The following PCDHB16 variants were observed in gnomAD, a reference collection of about 807,000 sequenced individuals.
PCDHB16 encodes protocadherin beta-16.
For missense variants in PCDHB16, 1,026 were observed against 989.9 expected (o/e 1.04, Z -0.49); for synonymous variants, 444 against 436.5 (o/e 1.02, Z -0.21).
rs782556392 is a variant in PCDHB16 at position 141,184,410 on chromosome 5, G to T, written c.1851G>T (p.Val617=). 2 of 1,606,792 alleles carry T rather than the reference G, an allele frequency of 1.2e-6. No homozygotes were observed. Among genetic ancestry groups the T allele is most frequent in the Admixed American group, 1.7e-5 (1 of 59,946 alleles). The stretch of plus-strand genomic sequence containing the variant: ...CCACGGAGCCCGGGCTGTTCGGTGT[G>T]TGGGCGCACAATGGCGAGGTGCGCA... ...LKATEPGLFG[V]WAHNGEVRTA... The change falls in exon 1 of 1, where the codon GTG becomes GTT. Residue 617 remains valine (V), a synonymous_variant. Coordinates refer to ENST00000609684, the MANE Select transcript of PCDHB16 (RefSeq NM_020957.4).
chr5:141,183,824 C>A lies in PCDHB16; in HGVS notation c.1265C>A (p.Thr422Asn). Residue 422 changes from threonine (T) to asparagine (N), a missense_variant, in exon 1 of 1, where the codon ACC becomes AAC. By Grantham distance (65) the Thr-to-Asn change is moderately conservative. Coordinates refer to ENST00000609684, the MANE Select transcript of PCDHB16 (RefSeq NM_020957.4). ...AGAGCTGAATATAATATCACCCTCA[C>A]CGTCACAGATATGGGGACTCCAAGG... The part of the protein sequence containing the change: ...EARAEYNITL[T>N]VTDMGTPRLK... 6.2e-7 allele frequency: 1 copy of A among 1,614,240 alleles called. No homozygotes were observed. Among genetic ancestry groups the A allele is most frequent in the Non-Finnish European group, 8.5e-7 (1 of 1,180,046 alleles).
chr5:141,184,320 C>G lies in PCDHB16; in HGVS notation c.1761C>G (p.Thr587=). The change falls in exon 1 of 1, where the codon ACC becomes ACG. Residue 587 remains threonine (T), a synonymous_variant. Transcript: ENST00000609684. The part of the protein sequence containing the change: ...PRAAEPGYLV[T]KVVAVDGDSG... ...CGGCCGAGCCGGGCTACCTGGTGAC[C>G]AAGGTGGTGGCGGTGGACGGCGACT... 3.7e-6 allele frequency: 6 copies of G among 1,600,714 alleles called. 1 individual carries two copies. The highest frequency in any genetic ancestry group is 5.1e-6 in the Non-Finnish European group (6 of 1,176,046).
At position 141,183,991 on chromosome 5, in the gene PCDHB16, A is replaced by T. The variant is rs1554282256; in HGVS notation, c.1432A>T (p.Arg478Ter). ...CATCGGCAGCGTCAGCGCCACAGAC[A>T]GAGACTCGGGCACCAACGCCCAGGT... ...LHIGSVSATD[R>*]DSGTNAQVTY... Residue 478 changes from arginine (R) to a stop codon, truncating the protein, a stop_gained, in exon 1 of 1, where the codon AGA becomes TGA. Coordinates refer to ENST00000609684, the MANE Select transcript of PCDHB16 (RefSeq NM_020957.4). LOFTEE classifies it low-confidence loss of function (END_TRUNC). The T allele has an allele frequency of 1.2e-6, 2 of 1,610,976 alleles. No individual in the cohort carries two copies. Among genetic ancestry groups the T allele is most frequent in the Admixed American group, 3.3e-5 (2 of 59,842 alleles).
rs1336296522 is a variant in PCDHB16, at chr5:141,185,103, C to A, written c.*213C>A. On this transcript the variant is annotated 3_prime_UTR_variant, in exon 1 of 1. Transcript: ENST00000609684. ...AGTTTCCCTTTTCCTCATATTTACC[C>A]CGAAGAGGTGTTGCATATAGAATCC... 3 of 1,391,684 alleles carry A rather than the reference C, an allele frequency of 2.2e-6. No individual in the cohort carries two copies. The highest frequency in any genetic ancestry group is 1.5e-5 in the African/African-American group (1 of 68,710). The allele number at this position is 1,391,684 out of a possible 1,614,324, so 86.2% of individuals were successfully genotyped here. A position where few individuals can be genotyped will look rare whatever the true frequency, so the allele number is the denominator to read the frequency against.
Position 141,183,971 on chromosome 5 carries a change from G to C in PCDHB16, c.1412G>C (p.Gly471Ala). 3 of 1,612,172 alleles carry C rather than the reference G, an allele frequency of 1.9e-6. No individual in the cohort carries two copies. The highest frequency in any genetic ancestry group is 2.5e-6 in the Non-Finnish European group (3 of 1,179,730). ...RENNSPALHI[G>A]SVSATDRDSG... is the part of the protein sequence containing the mutation. ...AACAACAGCCCCGCCCTGCACATCG[G>C]CAGCGTCAGCGCCACAGACAGAGAC... Residue 471 changes from glycine (G) to alanine (A), a missense_variant, in exon 1 of 1, where the codon GGC becomes GCC. Coordinates refer to ENST00000609684, the MANE Select transcript of PCDHB16 (RefSeq NM_020957.4).
rs1234071380 is a variant in PCDHB16 at position 141,185,971 on chromosome 5, A to G, written c.*1081A>G. On this transcript the variant is annotated 3_prime_UTR_variant, in exon 1 of 1. Coordinates refer to ENST00000609684, the MANE Select transcript of PCDHB16 (RefSeq NM_020957.4). Reference sequence around the variant, plus strand: ...AATAATTTATTCTTTCTATTACTGAATTAAAAAATCAGAGGTCCCTGTTAT... The same window carrying G: ...AATAATTTATTCTTTCTATTACTGAGTTAAAAAATCAGAGGTCCCTGTTAT... 5.2e-6 allele frequency: 5 copies of G among 960,794 alleles called. No homozygotes were observed. The Admixed American group carries it at 3.1e-4, about 59-fold the overall frequency. 59.5% of individuals were successfully genotyped at this position (960,794 alleles called of 1,614,324 possible).
Position 141,183,686 on chromosome 5 carries a change from G to C in PCDHB16, c.1127G>C (p.Gly376Ala). 6.2e-7 allele frequency: 1 copy of C among 1,614,136 alleles called. No individual in the cohort carries two copies. Among genetic ancestry groups the C allele is most frequent in the South Asian group, 1.1e-5 (1 of 91,076 alleles). ...AVFSVSDPDS[G>A]NNGKTISSIQ... ...TTCAGCGTTTCAGATCCTGACTCCG[G>C]AAACAATGGGAAGACGATTTCCTCC... Residue 376 changes from glycine (G) to alanine (A), a missense_variant, in exon 1 of 1, where the codon GGA becomes GCA. Transcript: ENST00000609684.
Position 141,184,588 on chromosome 5 carries a change from G to T in PCDHB16, c.2029G>T (p.Ala677Ser), listed in dbSNP as rs1753672206. The change falls in exon 1 of 1, where the codon GCC (alanine) becomes TCC (serine). Residue 677 changes from alanine (A) to serine (S), a missense_variant. Coordinates refer to ENST00000609684, the MANE Select transcript of PCDHB16 (RefSeq NM_020957.4). ...SQPFLPLPEA[A>S]PGQTQANSLT... ...GCCCTTCCTGCCGCTCCCAGAGGCG[G>T]CCCCCGGCCAGACCCAGGCCAACTC... 3.7e-6 allele frequency: 6 copies of T among 1,612,240 alleles called. No homozygotes were observed. The highest frequency in any genetic ancestry group is 5.1e-6 in the Non-Finnish European group (6 of 1,179,808).
chr5:141,182,687 C>G lies in PCDHB16; in HGVS notation c.128C>G (p.Ser43Cys), dbSNP rs1554282002. The part of the protein sequence containing the change: ...YSVVEETERG[S>C]FVANLGKDLG... ...GTAGTGGAAGAAACGGAGAGAGGCTCTTTTGTGGCAAATCTAGGAAAAGAC... is the reference window on the plus strand; with the variant it reads ...GTAGTGGAAGAAACGGAGAGAGGCTGTTTTGTGGCAAATCTAGGAAAAGAC... The change falls in exon 1 of 1, where the codon TCT becomes TGT. Residue 43 changes from serine (S) to cysteine (C), a missense_variant. Ser to Cys is a moderately radical substitution (Grantham distance 112). Transcript: ENST00000609684. 6.2e-7 allele frequency: 1 copy of G among 1,610,440 alleles called. No individual in the cohort carries two copies. The highest frequency in any genetic ancestry group is 8.5e-7 in the Non-Finnish European group (1 of 1,177,858).
rs1463077377 is a variant in PCDHB16, at chr5:141,182,410, A to G, written c.-150A>G. On this transcript the variant is annotated 5_prime_UTR_variant, in exon 1 of 1. Transcript: ENST00000609684. ...CCGTTTCCCAAAGCCTGGAAGCAGA[A>G]GAATAGCTGAGCCAGAGCGAACGTG... 10 of 606,910 alleles carry G rather than the reference A, an allele frequency of 1.6e-5. No homozygotes were observed. Among genetic ancestry groups the G allele is most frequent in the Non-Finnish European group, 2.4e-5 (9 of 376,800 alleles). The allele number at this position is 606,910 out of a possible 1,614,324, so 37.6% of individuals were successfully genotyped here. A position where few individuals can be genotyped will look rare whatever the true frequency, so the allele number is the denominator to read the frequency against.
rs1753671913 is a variant in PCDHB16 at position 141,184,583 on chromosome 5, A to G, written c.2024A>G (p.Glu675Gly). The change falls in exon 1 of 1, where the codon GAG becomes GGG. Residue 675 changes from glutamate (E) to glycine (G), a missense_variant. Coordinates refer to ENST00000609684, the MANE Select transcript of PCDHB16 (RefSeq NM_020957.4). ...GFSQPFLPLP[E>G]AAPGQTQANS... Reference sequence around the variant, plus strand: ...TCCCAGCCCTTCCTGCCGCTCCCAGAGGCGGCCCCCGGCCAGACCCAGGCC... The same window carrying G: ...TCCCAGCCCTTCCTGCCGCTCCCAGGGGCGGCCCCCGGCCAGACCCAGGCC... 1.9e-6 allele frequency: 3 copies of G among 1,612,376 alleles called. No homozygotes were observed. Among genetic ancestry groups the G allele is most frequent in the South Asian group, 1.1e-5 (1 of 91,042 alleles).
Position 141,183,906 on chromosome 5 carries a change from C to T in PCDHB16, c.1347C>T (p.Pro449=). Residue 449 remains proline (P), a synonymous_variant, in exon 1 of 1, where the codon CCC becomes CCT. Transcript: ENST00000609684. ...VQISDVNDNA[P]TFTQTSYTLF... ...TATCAGATGTCAATGATAACGCCCC[C>T]ACTTTCACCCAAACCTCCTACACCC... 6.2e-7 allele frequency: 1 copy of T among 1,614,184 alleles called. No individual in the cohort carries two copies. Among genetic ancestry groups the T allele is most frequent in the Non-Finnish European group, 8.5e-7 (1 of 1,180,040 alleles).
rs554995892 is a variant in PCDHB16 at position 141,184,272 on chromosome 5, C to T, written c.1713C>T (p.Pro571=). 4.8e-5 allele frequency: 76 copies of T among 1,592,724 alleles called. No individual in the cohort carries two copies. In the South Asian group the frequency reaches 8.3e-4, roughly 17 times the overall value. The change falls in exon 1 of 1, where the codon CCC becomes CCT. Residue 571 remains proline (P), a synonymous_variant. Coordinates refer to ENST00000609684, the MANE Select transcript of PCDHB16 (RefSeq NM_020957.4). ...VLYPLQNGSA[P]CTELVPRAAE... ...ACCCGCTGCAGAACGGCTCCGCGCC[C>T]TGCACTGAGCTGGTGCCCCGGGCGG...
At position 141,182,917 on chromosome 5, in the gene PCDHB16, G is replaced by C. The variant is rs1554282046; in HGVS notation, c.358G>C (p.Glu120Gln). Residue 120 changes from glutamate (E) to glutamine (Q), a missense_variant, in exon 1 of 1, where the codon GAA (glutamate) becomes CAA (glutamine). Glu to Gln is a conservative substitution (Grantham distance 29, BLOSUM62 2). Coordinates refer to ENST00000609684, the MANE Select transcript of PCDHB16 (RefSeq NM_020957.4). ...AAACCCTTTAGAAATATTTCAGGCT[G>C]AACTGAGGGTGATAGATATAAATGA... Reference protein sequence around the residue: ...MENPLEIFQAELRVIDINDHS... With the variant: ...MENPLEIFQAQLRVIDINDHS... 5 of 1,614,094 alleles carry C rather than the reference G, an allele frequency of 3.1e-6. No individual in the cohort carries two copies. The highest frequency in any genetic ancestry group is 3.4e-6 in the Non-Finnish European group (4 of 1,179,978).
rs1006799660 is a variant in PCDHB16 at position 141,185,640 on chromosome 5, C to A, written c.*750C>A. 8 of 764,476 alleles carry A rather than the reference C, an allele frequency of 1.0e-5. No homozygotes were observed. The African/African-American group carries it at 1.3e-4, about 13-fold the overall frequency. The allele number at this position is 764,476 out of a possible 1,614,324, so 47.4% of individuals were successfully genotyped here. On this transcript the variant is annotated 3_prime_UTR_variant, in exon 1 of 1. Transcript: ENST00000609684. ...CTGATCTTGAACTCCTGGGCTCAAG[C>A]CATCCTCCCTCCTCAGCCTCCCAAA...
rs1418836100 is a variant in PCDHB16, at chr5:141,185,588, C to T, written c.*698C>T. On this transcript the variant is annotated 3_prime_UTR_variant, in exon 1 of 1. Coordinates refer to ENST00000609684, the MANE Select transcript of PCDHB16 (RefSeq NM_020957.4). ...ACCATGCCTGGCTAATCTTTTGCAGCGATGGGATTTTGCCAAGTTGCCCAG... is the reference window on the plus strand; with the variant it reads ...ACCATGCCTGGCTAATCTTTTGCAGTGATGGGATTTTGCCAAGTTGCCCAG... 2.0e-5 allele frequency: 8 copies of T among 405,424 alleles called. No homozygotes were observed. Among genetic ancestry groups the T allele is most frequent in the Non-Finnish European group, 2.7e-5 (8 of 298,206 alleles). 25.1% of individuals were successfully genotyped at this position (405,424 alleles called of 1,614,324 possible).
rs1248201410 is a variant in PCDHB16, at chr5:141,185,601, C to T, written c.*711C>T. On this transcript the variant is annotated 3_prime_UTR_variant, in exon 1 of 1. Coordinates refer to ENST00000609684, the MANE Select transcript of PCDHB16 (RefSeq NM_020957.4). Reference sequence around the variant, plus strand: ...AATCTTTTGCAGCGATGGGATTTTGCCAAGTTGCCCAGGCTGATCTTGAAC... The same window carrying T: ...AATCTTTTGCAGCGATGGGATTTTGTCAAGTTGCCCAGGCTGATCTTGAAC... 4 of 489,526 alleles carry T rather than the reference C, an allele frequency of 8.2e-6. No homozygotes were observed. The highest frequency in any genetic ancestry group is 8.9e-5 in the South Asian group (1 of 11,296). 30.3% of individuals were successfully genotyped at this position (489,526 alleles called of 1,614,324 possible).
chr5:141,185,191 TTTTA>T lies in PCDHB16; in HGVS notation c.*306_*309del, dbSNP rs1415550084. ...CATTTAAAATTTTTCCGTCTTTATA[TTTTA>T]TTTACTTCCTATTCATTTTTTGCTC... is the stretch of plus-strand genomic sequence containing the variant. On this transcript the variant is annotated 3_prime_UTR_variant, in exon 1 of 1. Coordinates refer to ENST00000609684, the MANE Select transcript of PCDHB16 (RefSeq NM_020957.4). 8 of 1,095,730 alleles carry T rather than the reference TTTTA, an allele frequency of 7.3e-6. No homozygotes were observed. The African/African-American group carries it at 1.0e-4, about 14-fold the overall frequency. The allele number at this position is 1,095,730 out of a possible 1,614,324, so 67.9% of individuals were successfully genotyped here.
In PCDHB16 at chr5:141,183,192, C is replaced by A. The variant is rs1489633963; in HGVS notation, c.633C>A (p.Thr211=). ...DREEEPQLRL[T]LTALDGGSPP... is the part of the protein sequence containing the mutation. ...AGGAGGAGCCTCAACTAAGATTAAC[C>A]CTGACAGCGCTGGATGGTGGCTCTC... is the stretch of plus-strand genomic sequence containing the variant. The change falls in exon 1 of 1, where the codon ACC becomes ACA. Residue 211 remains threonine (T), a synonymous_variant. Transcript: ENST00000609684. 6.2e-7 allele frequency: 1 copy of A among 1,614,140 alleles called. No homozygotes were observed. Among genetic ancestry groups the A allele is most frequent in the African/African-American group, 1.3e-5 (1 of 75,036 alleles).
Sources: allele counts gnomAD v4.1 joint callset, GRCh38; gene constraint gnomAD v4.1.1; transcripts MANE v1.5; gene names NCBI Gene and HGNC (gene_info 2026-07-23, HGNC 2026-07-21).